The following ZNF385B variants were observed in gnomAD, a reference collection of about 807,000 sequenced individuals.
ZNF385B encodes zinc finger protein 533.
Under a neutral mutation model 39.2 loss-of-function variants are expected in ZNF385B, and 23 were observed. The observed-to-expected ratio is 0.59, with a 90% CI of 0.42 to 0.83. The LOEUF is 0.83. Ranked by LOEUF, ZNF385B falls within the 40% of genes least tolerant of loss-of-function variation. The probability of loss-of-function intolerance (pLI) is 0.00; values close to 1 mark genes in which losing one functional copy is unlikely to be tolerated. For missense variants in ZNF385B, 552 were observed against 598.9 expected (o/e 0.92, Z 0.82); for synonymous variants, 205 against 222.6 (o/e 0.92, Z 0.70).
At chr2:179,642,084 C>T (rs1692315110) in intron 3 of ZNF385B, among the ~76,000 whole-genome samples, 3 of 152,052 alleles carry the variant, frequency 2.0e-5, no homozygotes, top group Admixed American at 2.0e-4. Flanking sequence ...ATTGAGTTTT[C>T]AGAGATATTG....
At chr2:179,706,715 T>C (rs188784688) in intron 3 of ZNF385B, among the ~76,000 whole-genome samples, 8 of 152,342 alleles carry the variant, frequency 5.3e-5, no homozygotes, top group Admixed American at 4.6e-4. Context: ...TAGTGGCAAC[T>C]GTGGTTCACT....
At chr2:179,463,028 G>T (rs1194840584) in intron 6 of ZNF385B, among the ~76,000 whole-genome samples, 1 of 152,010 alleles carries the variant, frequency 6.6e-6, no homozygotes, top group Non-Finnish European at 1.5e-5. Flanking sequence ...ATAATAAAAA[G>T]TTATATATAC....
intron 1 of ZNF385B, among the ~76,000 whole-genome samples, chr2:179,822,191 C>T (rs1707437223): frequency 6.6e-6 from 1 of 152,132 alleles, no homozygotes; most frequent in Admixed American, 6.5e-5. Context: ...AGGCTTTTGT[C>T]CTTCTTTTTC....
At chr2:179,518,033 T>A (rs2058211628) in intron 5 of ZNF385B, among the ~76,000 whole-genome samples, 1 of 152,210 alleles carries the variant, frequency 6.6e-6, no homozygotes, top group African/African-American at 2.4e-5. Context: ...CTTCCACATT[T>A]ATTGCATTTT....
chr2:179,592,283 GA>G (rs201250979), intron 3 of ZNF385B, among the ~76,000 whole-genome samples: 2 of 150,354 alleles, frequency 1.3e-5, no homozygotes, highest in South Asian at 2.1e-4. Flanking sequence ...AGTCTATTTG[GA>G]AAAAAAAACC....
In ZNF385B at chr2:179,741,913, G is replaced by T. The variant is rs527346017; in HGVS notation, c.298+27590C>A. 7.3e-4 allele frequency among the ~76,000 whole-genome samples: 111 copies of T among 152,034 alleles called. No individual in the cohort carries two copies. In the South Asian group the frequency reaches 8.5e-3, roughly 12 times the overall value. ...AAGGGTAACAAATATTTAAATAAAG[G>T]CCAGATGAACGGGTAGGGGAGAAGG... On this transcript the variant is annotated intron_variant, in intron 3 of 9. Transcript: ENST00000410066.
chr2:179,524,551 CAAAAAAAAAAAAAAAAAA>C (rs770219234), intron 4 of ZNF385B, among the ~76,000 whole-genome samples: 27 of 60,984 alleles, frequency 4.4e-4, no homozygotes, highest in African/African-American at 1.2e-3. Context: ...GACTCCGTCT[CAAAAAAAAAAAAAAAAAA>C]AAAAAAAAAA....
Position 179,446,783 on chromosome 2 carries a change from C to T in ZNF385B, c.716-13G>A. 1.3e-6 allele frequency: 2 copies of T among 1,596,738 alleles called. No individual in the cohort carries two copies. The highest frequency in any genetic ancestry group is 1.7e-6 in the Non-Finnish European group (2 of 1,173,918). On this transcript the variant is annotated splice_polypyrimidine_tract_variant and intron_variant, in intron 6 of 9. Transcript: ENST00000410066. The stretch of plus-strand genomic sequence containing the variant: ...TTCCCTTTATCTTCTAAGAGAAACA[C>T]AGAGAGATCTTATTGAAGCCTCATA...
intron 4 of ZNF385B, among the ~76,000 whole-genome samples, chr2:179,523,672 A>C (rs2058669050): frequency 6.6e-6 from 1 of 152,214 alleles, no homozygotes; most frequent in Non-Finnish European, 1.5e-5. Flanking sequence ...TTTGAGTTCT[A>C]TTCTTATAAG....
intron 3 of ZNF385B, among the ~76,000 whole-genome samples, chr2:179,621,510 C>T (rs185520512): frequency 2.2e-4 from 34 of 152,278 alleles, no homozygotes; most frequent in African/African-American, 7.9e-4. Context: ...TAAATTATTC[C>T]CATCATGGCT....
intron 4 of ZNF385B, among the ~76,000 whole-genome samples, chr2:179,519,952 A>G (rs908982597): frequency 1.3e-5 from 2 of 152,226 alleles, no homozygotes; most frequent in Non-Finnish European, 2.9e-5. Context: ...AAATTAATCT[A>G]TTTTTTGGCT....
chr2:179,602,063 T>G (rs1341153052), intron 3 of ZNF385B, among the ~76,000 whole-genome samples: 1 of 152,178 alleles, frequency 6.6e-6, no homozygotes, highest in Non-Finnish European at 1.5e-5. Flanking sequence ...AAATTAAATG[T>G]CTCTTTGTAG....
intron 1 of ZNF385B, among the ~76,000 whole-genome samples, 162 bp from the exon 2 acceptor site, chr2:179,770,834 A>AT (rs1360849246): frequency 6.6e-6 from 1 of 152,080 alleles, no homozygotes; most frequent in African/African-American, 2.4e-5. Flanking sequence ...TTCGAAAGGG[A>AT]TTTTCAGTAC....
chr2:179,767,678 G>A (rs1221691226), intron 3 of ZNF385B, among the ~76,000 whole-genome samples: 1 of 152,088 alleles, frequency 6.6e-6, no homozygotes, highest in Admixed American at 6.5e-5. Flanking sequence ...ACAGTAGATA[G>A]TGTACGCATG....
chr2:179,569,309 T>C (rs942332680), intron 3 of ZNF385B, among the ~76,000 whole-genome samples: 1 of 152,198 alleles, frequency 6.6e-6, no homozygotes, highest in Admixed American at 6.5e-5. Flanking sequence ...CAAGAAAAAT[T>C]GCTTATCAGA....
chr2:179,644,144 G>A (rs527631707), intron 3 of ZNF385B, among the ~76,000 whole-genome samples: 1 of 152,096 alleles, frequency 6.6e-6, no homozygotes, highest in South Asian at 2.1e-4. Context: ...TTCCAGTTTG[G>A]CTTCTAACTA....
chr2:179,774,572 T>C (rs1382903876), intron 1 of ZNF385B, among the ~76,000 whole-genome samples: 2 of 152,096 alleles, frequency 1.3e-5, no homozygotes, highest in Non-Finnish European at 2.9e-5. Flanking sequence ...TTGGCCAGGA[T>C]GGTCTTGATC....
intron 3 of ZNF385B, among the ~76,000 whole-genome samples, chr2:179,756,882 T>A (rs1224497635): frequency 1.3e-5 from 2 of 152,150 alleles, no homozygotes; most frequent in Non-Finnish European, 2.9e-5. Flanking sequence ...TTTTCAAGGT[T>A]TTTAGCTTCT....
At chr2:179,493,689 A>ATATGCGTATACG (rs765915327) in intron 5 of ZNF385B, among the ~76,000 whole-genome samples, 1 of 96,114 alleles carries the variant, frequency 1.0e-5, no homozygotes, top group African/African-American at 3.6e-5. Context: ...ACATATACAC[A>ATATGCGTATACG]TATATACATA....
Sources: allele counts gnomAD v4.1 joint callset (sites outside exome capture counted in the v4.1 genomes callset), GRCh38; gene constraint gnomAD v4.1.1; transcripts MANE v1.5; gene names NCBI Gene and HGNC (gene_info 2026-07-23, HGNC 2026-07-21).